FSTL5: variants seen among roughly 807,000 people sequenced by gnomAD.
FSTL5 encodes follistatin-related protein 5.
In FSTL5, 62 loss-of-function variants were observed where a neutral mutation model predicts 89.1. That is an observed-to-expected ratio of 0.70 (90% CI 0.57 to 0.86). FSTL5 has a LOEUF of 0.86. Among genes scored for constraint, FSTL5 ranks in the 40% least tolerant of loss-of-function variants. The pLI, the probability that FSTL5 is intolerant of heterozygous loss-of-function variation, is 0.00. For synonymous variants in FSTL5, 383 were observed against 346.2 expected (o/e 1.11, Z -1.18); for missense variants, 1,057 against 1,001.6 (o/e 1.06, Z -0.75).
intron 3 of FSTL5, among the ~76,000 whole-genome samples, chr4:161,921,170 T>A (rs746231590): frequency 2.7e-4 from 41 of 152,170 alleles, no homozygotes; most frequent in Non-Finnish European, 5.6e-4. Context: ...AAGTAATGTA[T>A]GCATACAAGG....
chr4:161,455,664 A>C (rs757186995), intron 14 of FSTL5, among the ~76,000 whole-genome samples: 3 of 152,190 alleles, frequency 2.0e-5, no homozygotes, highest in Admixed American at 2.0e-4. Flanking sequence ...ATCTTTAATA[A>C]TGAATTGTTT....
chr4:161,916,790 G>T (rs1002628156), intron 4 of FSTL5, among the ~76,000 whole-genome samples: 14 of 151,874 alleles, frequency 9.2e-5, no homozygotes, highest in African/African-American at 3.4e-4. Flanking sequence ...TAACACAGAG[G>T]TATTTCAATA....
chr4:161,850,501 T>A (rs1465176159), intron 4 of FSTL5, among the ~76,000 whole-genome samples: 1 of 152,168 alleles, frequency 6.6e-6, no homozygotes, highest in Non-Finnish European at 1.5e-5. Flanking sequence ...GGTGTGCGTA[T>A]GCTGGGTGAG....
chr4:161,783,020 GT>G (rs1192377868), intron 4 of FSTL5, among the ~76,000 whole-genome samples: 3 of 151,998 alleles, frequency 2.0e-5, no homozygotes, highest in African/African-American at 7.3e-5. Flanking sequence ...TCCCACCACT[GT>G]CACAAACACA....
At chr4:161,735,292 C>T (rs1359976243) in intron 6 of FSTL5, among the ~76,000 whole-genome samples, 11 of 152,160 alleles carry the variant, frequency 7.2e-5, no homozygotes, top group Non-Finnish European at 2.9e-5. Context: ...AAGCACACCA[C>T]TCCCCAGGAA....
intron 4 of FSTL5, among the ~76,000 whole-genome samples, chr4:161,885,759 G>A (rs1215975750): frequency 6.6e-6 from 1 of 152,100 alleles, no homozygotes; most frequent in African/African-American, 2.4e-5. Context: ...CCTGCATAGT[G>A]ATTTCATTTT....
At chr4:161,990,821 T>G (rs1313204381) in intron 3 of FSTL5, among the ~76,000 whole-genome samples, 2 of 152,164 alleles carry the variant, frequency 1.3e-5, no homozygotes, top group Non-Finnish European at 2.9e-5. Context: ...CTCTATTAAA[T>G]GAAATATGTG....
intron 4 of FSTL5, among the ~76,000 whole-genome samples, chr4:161,786,216 GTTA>G (rs1280451955): frequency 6.6e-6 from 1 of 151,788 alleles, no homozygotes; most frequent in Non-Finnish European, 1.5e-5. Context: ...TCATAGCATT[GTTA>G]TTATTTTATG....
intron 3 of FSTL5, among the ~76,000 whole-genome samples, chr4:161,957,535 C>T (rs1735057068): frequency 6.6e-6 from 1 of 152,014 alleles, no homozygotes; most frequent in African/African-American, 2.4e-5. Context: ...TTCTTGTTCT[C>T]CTGCTACTCT....
Position 162,014,014 on chromosome 4 carries a change from C to A in FSTL5, c.160+19611G>T, listed in dbSNP as rs1470205328. 4.3e-4 allele frequency among the ~76,000 whole-genome samples: 65 copies of A among 152,068 alleles called. 1 individual carries two copies. The highest frequency in any genetic ancestry group is 4.3e-3 in the Admixed American group (65 of 15,268). On this transcript the variant is annotated intron_variant, in intron 3 of 15. Coordinates refer to ENST00000306100, the MANE Select transcript of FSTL5 (RefSeq NM_020116.5). Reference sequence around the variant, plus strand: ...AGCCAATGCCACATCACTCGCAGAGCCTTCACAGAGGAGGAAAGGGGCAGG... The same window carrying A: ...AGCCAATGCCACATCACTCGCAGAGACTTCACAGAGGAGGAAAGGGGCAGG...
At chr4:161,852,757 T>C (rs1163355432) in intron 4 of FSTL5, among the ~76,000 whole-genome samples, 2 of 152,158 alleles carry the variant, frequency 1.3e-5, no homozygotes, top group Non-Finnish European at 2.9e-5. Context: ...GTCATAAATA[T>C]ACACCATGGA....
At chr4:161,690,278 C>T (rs1737884427) in intron 6 of FSTL5, among the ~76,000 whole-genome samples, 1 of 152,032 alleles carries the variant, frequency 6.6e-6, no homozygotes, top group Non-Finnish European at 1.5e-5. Flanking sequence ...GTTATGTTTT[C>T]ATCTTGTATT....
At chr4:161,620,464 G>T (rs1308654052) in intron 7 of FSTL5, among the ~76,000 whole-genome samples, 2 of 152,102 alleles carry the variant, frequency 1.3e-5, no homozygotes, top group Non-Finnish European at 2.9e-5. Flanking sequence ...AAACCAACCT[G>T]ACCACTATGG....
In FSTL5 at chr4:161,466,833, A is replaced by C. The variant is rs77290315; in HGVS notation, c.1609-7514T>G. Among the ~76,000 whole-genome samples the C allele has an allele frequency of 1.3e-3, 204 of 152,284 alleles. 1 individual carries two copies. The highest frequency in any genetic ancestry group is 8.3e-3 in the South Asian group (40 of 4,828). On this transcript the variant is annotated intron_variant, in intron 13 of 15. Coordinates refer to ENST00000306100, the MANE Select transcript of FSTL5 (RefSeq NM_020116.5). ...AAAATGATACTGATGTATTTGCTGAAAACAAATACACCAATGATCTCCTAA... is the reference window on the plus strand; with the variant it reads ...AAAATGATACTGATGTATTTGCTGACAACAAATACACCAATGATCTCCTAA...
At chr4:161,671,210 A>T (rs913468742) in intron 6 of FSTL5, among the ~76,000 whole-genome samples, 2 of 152,204 alleles carry the variant, frequency 1.3e-5, no homozygotes, top group Non-Finnish European at 2.9e-5. Flanking sequence ...CTAGAGCACT[A>T]ACTCAGGTAG....
intron 4 of FSTL5, among the ~76,000 whole-genome samples, chr4:161,876,471 TTAAAA>T (rs1684518351): frequency 1.3e-5 from 2 of 152,232 alleles, no homozygotes; most frequent in South Asian, 4.1e-4. Context: ...GCTATTCATC[TTAAAA>T]TAACGCCTCA....
intron 6 of FSTL5, among the ~76,000 whole-genome samples, chr4:161,669,111 C>CAAAAAAA (rs33950474): frequency 1.3e-4 from 14 of 104,276 alleles, no homozygotes; most frequent in East Asian, 3.0e-4. Flanking sequence ...GACTCTGTCT[C>CAAAAAAA]AAAAAAAAAA....
chr4:161,389,941 T>C (rs1730765306), intron 15 of FSTL5, among the ~76,000 whole-genome samples: 2 of 147,680 alleles, frequency 1.4e-5, no homozygotes, highest in Non-Finnish European at 2.9e-5. Flanking sequence ...ACGTTAAAAA[T>C]AAATAGTGTT....
chr4:161,677,117 T>C (rs756126625), intron 6 of FSTL5, among the ~76,000 whole-genome samples: 27 of 152,084 alleles, frequency 1.8e-4, no homozygotes, highest in Non-Finnish European at 3.2e-4. Context: ...ATTTAGGGAA[T>C]TTATATGTAA....
Sources: gnomAD v4.1 joint callset for allele counts (sites outside exome capture counted in the v4.1 genomes callset) on GRCh38, gnomAD v4.1.1 for gene constraint, MANE v1.5 for transcripts, NCBI Gene and HGNC (gene_info 2026-07-23, HGNC 2026-07-21) for gene names.